Variants in OPRD1 observed in about 807,000 individuals in gnomAD.
OPRD1 encodes delta-type opioid receptor.
In OPRD1, 19 loss-of-function variants were observed where a neutral mutation model predicts 17.5. The ratio of observed to expected loss-of-function variants is 1.09; its 90% confidence interval spans 0.76 to 1.60. The LOEUF (loss-of-function observed/expected upper bound fraction) is 1.60. Ranked by LOEUF, OPRD1 falls within the 40% of genes most tolerant of loss-of-function variation. The pLI is 0.00. For missense variants in OPRD1, 483 were observed against 547.2 expected (o/e 0.88, Z 1.17); for synonymous variants, 256 against 240.9 (o/e 1.06, Z -0.58).
At chr1:28,846,850 C>T (rs1210089725) in intron 1 of OPRD1, among the ~76,000 whole-genome samples, 137 of 38,252 alleles carry the variant, frequency 3.6e-3, no homozygotes, top group African/African-American at 9.6e-3. Flanking sequence ...TCTTTCTTTT[C>T]TTTCTTTCTT....
At chr1:28,819,313 G>A (rs1271138538) in intron 1 of OPRD1, among the ~76,000 whole-genome samples, 1 of 152,116 alleles carries the variant, frequency 6.6e-6, no homozygotes, top group East Asian at 1.9e-4. Context: ...GCAGCAGGAG[G>A]AGGCTGGGCT....
At chr1:28,851,797 G>A (rs1040305154) in intron 1 of OPRD1, among the ~76,000 whole-genome samples, 1 of 150,310 alleles carries the variant, frequency 6.7e-6, no homozygotes, top group Non-Finnish European at 1.5e-5. Context: ...CTTGAACCGG[G>A]GAGGCGGAGG....
rs2089145716 is a variant in OPRD1, at chr1:28,863,461, C to T, written c.*178C>T. 1.0e-5 allele frequency: 7 copies of T among 703,326 alleles called. No individual in the cohort carries two copies. The South Asian group carries it at 1.7e-4, about 17-fold the overall frequency. 43.6% of individuals were successfully genotyped at this position (703,326 alleles called of 1,614,324 possible). ...GGCCGCTAGATGGGCATGGGGTGGG[C>T]CTCTGGTTTGGGGCGAGGCAGAGGA... On this transcript the variant is annotated 3_prime_UTR_variant, in exon 3 of 3. Coordinates refer to ENST00000234961, the MANE Select transcript of OPRD1 (RefSeq NM_000911.4).
chr1:28,820,911 T>C (rs1192667215), intron 1 of OPRD1, among the ~76,000 whole-genome samples: 1 of 151,898 alleles, frequency 6.6e-6, no homozygotes, highest in Non-Finnish European at 1.5e-5. Context: ...TGAGACCCCA[T>C]ATTTAAAAAA....
chr1:28,850,131 C>T (rs374919332), intron 1 of OPRD1, among the ~76,000 whole-genome samples: 18 of 152,182 alleles, frequency 1.2e-4, no homozygotes, highest in East Asian at 9.7e-4. Context: ...CTGCCCACCT[C>T]GGCCTCCCAA....
chr1:28,848,573 C>T (rs1289864667), intron 1 of OPRD1, among the ~76,000 whole-genome samples: 1 of 152,206 alleles, frequency 6.6e-6, no homozygotes, highest in Non-Finnish European at 1.5e-5. Flanking sequence ...CGCCATTACT[C>T]CTAGATCACT....
chr1:28,854,473 A>G (rs1467487424), intron 1 of OPRD1, among the ~76,000 whole-genome samples: 1 of 151,600 alleles, frequency 6.6e-6, no homozygotes, highest in Non-Finnish European at 1.5e-5. Flanking sequence ...CCTCGACCTC[A>G]GCCTCCCAAA....
chr1:28,835,171 G>A (rs148860037), intron 1 of OPRD1, among the ~76,000 whole-genome samples: 171 of 152,304 alleles, frequency 1.1e-3, no homozygotes, highest in African/African-American at 3.8e-3. Context: ...CCTTGTGGGA[G>A]TCTGCGTTCT....
chr1:28,834,585 G>T (rs2088834459), intron 1 of OPRD1, among the ~76,000 whole-genome samples: 1 of 151,560 alleles, frequency 6.6e-6, no homozygotes, highest in African/African-American at 2.4e-5. Context: ...TCCCTATGTT[G>T]CCCAGGCTGG....
chr1:28,820,939 A>G (rs1019918382), intron 1 of OPRD1, among the ~76,000 whole-genome samples: 3 of 151,950 alleles, frequency 2.0e-5, no homozygotes, highest in Non-Finnish European at 1.5e-5. Flanking sequence ...TTTTTCTTCT[A>G]CAATAAAAGG....
intron 1 of OPRD1, among the ~76,000 whole-genome samples, chr1:28,826,714 T>TG: frequency 6.6e-6 from 1 of 152,236 alleles, no homozygotes; most frequent in Non-Finnish European, 1.5e-5. Context: ...GGCTGCTGGT[T>TG]GGGGGTAGTG....
Position 28,842,732 on chromosome 1 carries a change from C to T in OPRD1, c.228-16222C>T, listed in dbSNP as rs150074579. 2.0e-5 allele frequency among the ~76,000 whole-genome samples: 3 copies of T among 152,234 alleles called. No individual in the cohort carries two copies. The East Asian group carries it at 5.8e-4, about 30-fold the overall frequency. ...AGGTTCAGCCAGAGCTTTCCAGTCC[C>T]TACCCCCTGATTGGATCCAAAGGGT... On this transcript the variant is annotated intron_variant, in intron 1 of 2. Transcript: ENST00000234961.
intron 1 of OPRD1, among the ~76,000 whole-genome samples, chr1:28,814,655 C>G (rs2088659524): frequency 6.6e-6 from 1 of 152,190 alleles, no homozygotes; most frequent in Admixed American, 6.5e-5. Context: ...TTCCCCACTA[C>G]CACTGAGCAA....
intron 1 of OPRD1, among the ~76,000 whole-genome samples, chr1:28,858,161 G>T (rs1430398523): frequency 2.2e-5 from 3 of 134,534 alleles, no homozygotes; most frequent in Admixed American, 7.8e-5. Flanking sequence ...TGGCCCAGGC[G>T]GGAGTGCAGT....
At chr1:28,845,792 AC>A (rs1009091911) in intron 1 of OPRD1, among the ~76,000 whole-genome samples, 2 of 119,924 alleles carry the variant, frequency 1.7e-5, no homozygotes, top group African/African-American at 5.1e-5. Context: ...ACCTTTTGTA[AC>A]AGAAAAAAAA....
At chr1:28,833,980 C>T (rs1422555363) in intron 1 of OPRD1, among the ~76,000 whole-genome samples, 2 of 151,808 alleles carry the variant, frequency 1.3e-5, no homozygotes, top group East Asian at 1.9e-4. Flanking sequence ...GGTGTGATCT[C>T]GGCTCACTGC....
chr1:28,836,917 A>T (rs1327256606), intron 1 of OPRD1, among the ~76,000 whole-genome samples: 2 of 152,192 alleles, frequency 1.3e-5, no homozygotes, highest in Non-Finnish European at 2.9e-5. Context: ...CAAGTTTTCC[A>T]TCGATGGGGG....
intron 1 of OPRD1, among the ~76,000 whole-genome samples, chr1:28,851,621 C>T (rs1356498274): frequency 2.0e-5 from 3 of 152,128 alleles, no homozygotes; most frequent in African/African-American, 7.2e-5. Context: ...CCTGTAATCC[C>T]AGCACTTTGG....
chr1:28,836,594 G>A (rs749861760), intron 1 of OPRD1, among the ~76,000 whole-genome samples: 4 of 151,972 alleles, frequency 2.6e-5, no homozygotes, highest in Non-Finnish European at 5.9e-5. Flanking sequence ...TGCTCCCTCC[G>A]AAGGCTCCGT....
Sources: gnomAD v4.1 joint callset for allele counts (sites outside exome capture counted in the v4.1 genomes callset) on GRCh38, gnomAD v4.1.1 for gene constraint, MANE v1.5 for transcripts, NCBI Gene and HGNC (gene_info 2026-07-23, HGNC 2026-07-21) for gene names.